Variants in ZNRF3 observed in about 807,000 individuals in gnomAD.
ZNRF3 encodes E3 ubiquitin-protein ligase ZNRF3.
A neutral mutation model predicts 72.5 loss-of-function variants in ZNRF3; 23 were observed. That is an observed-to-expected ratio of 0.32 (90% confidence interval 0.23 to 0.45). The LOEUF (loss-of-function observed/expected upper bound fraction) is 0.45. ZNRF3 is among the 20% of genes least tolerant of loss of function. The pLI, the probability that ZNRF3 is intolerant of heterozygous loss-of-function variation, is 1.00. For synonymous variants in ZNRF3, 610 were observed against 545.3 expected (o/e 1.12, Z -1.65); for missense variants, 1,169 against 1,272.1 (o/e 0.92, Z 1.23).
chr22:28,883,728 C>G lies in ZNRF3; in HGVS notation c.-39C>G. The G allele has an allele frequency of 1.0e-6, 1 of 982,502 alleles. No homozygotes were observed. The allele number at this position is 982,502 out of a possible 1,614,324, so 60.9% of individuals were successfully genotyped here. ...TCCTCAGCCGGCCCGCGACTATGCC[C>G]GGCCGCGCCCGCCCTCCGCGCCCTC... On this transcript the variant is annotated 5_prime_UTR_variant, in exon 1 of 9. Transcript: ENST00000544604. This position sits in a 1 kb window ranked among gnomAD's most constrained non-coding sequence, Gnocchi z 5.5.
intron 1 of ZNRF3, among the ~76,000 whole-genome samples, chr22:28,914,814 CAAA>C (rs567975458): frequency 8.7e-5 from 6 of 69,294 alleles, no homozygotes; most frequent in Non-Finnish European, 1.2e-4. Flanking sequence ...AACTCCGTCT[CAAA>C]AAAAAAAAAA....
At chr22:28,938,524 G>T (rs762498822) in intron 1 of ZNRF3, among the ~76,000 whole-genome samples, 1 of 152,126 alleles carries the variant, frequency 6.6e-6, no homozygotes, top group Non-Finnish European at 1.5e-5. Flanking sequence ...CATTATCCCT[G>T]TTAACAGATG....
At position 28,987,258 on chromosome 22, in the gene ZNRF3, A is replaced by G. The variant is rs189438939; in HGVS notation, c.426+57A>G. On this transcript the variant is annotated intron_variant, in intron 2 of 8. Coordinates refer to ENST00000544604, the MANE Select transcript of ZNRF3 (RefSeq NM_001206998.2). ...TCTGGTTGGTGTTTTCCACTCTTCC[A>G]TTTCAGCATTCCTCAAATAGTTGAT... 1.9e-6 allele frequency: 3 copies of G among 1,567,900 alleles called. No homozygotes were observed. In the Admixed American group the frequency reaches 5.9e-5, roughly 31 times the overall value.
intron 1 of ZNRF3, among the ~76,000 whole-genome samples, chr22:28,980,302 A>G (rs1175297341): frequency 2.0e-5 from 3 of 152,208 alleles, no homozygotes; most frequent in Non-Finnish European, 4.4e-5. Flanking sequence ...TAGATACACT[A>G]AAAGCCCAGA....
chr22:28,945,437 A>G (rs1012317369), intron 1 of ZNRF3, among the ~76,000 whole-genome samples: 4 of 152,152 alleles, frequency 2.6e-5, no homozygotes, highest in Admixed American at 2.6e-4. Context: ...CACACCTGTA[A>G]TCCCAGCACT....
intron 2 of ZNRF3, among the ~76,000 whole-genome samples, chr22:29,020,274 C>T (rs375062683): frequency 0.045 from 2,047 of 45,116 alleles, 29 homozygotes; most frequent in African/African-American, 0.08. Flanking sequence ...TTTTTTTTTT[C>T]CCCCAAGACA....
chr22:28,931,606 G>T (rs1474927741), intron 1 of ZNRF3, among the ~76,000 whole-genome samples: 1 of 152,168 alleles, frequency 6.6e-6, no homozygotes, highest in Admixed American at 6.5e-5. Flanking sequence ...CTACTACATT[G>T]TTAGGGAGCC....
chr22:28,907,502 G>A (rs1341590878), intron 1 of ZNRF3, among the ~76,000 whole-genome samples: 1 of 152,120 alleles, frequency 6.6e-6, no homozygotes, highest in African/African-American at 2.4e-5. Flanking sequence ...GGTGGTGGCC[G>A]CATGGTTCCC....
At chr22:28,999,659 C>T (rs746323054) in intron 2 of ZNRF3, among the ~76,000 whole-genome samples, 1 of 152,178 alleles carries the variant, frequency 6.6e-6, no homozygotes, top group Non-Finnish European at 1.5e-5. Flanking sequence ...TACGTTATGC[C>T]AGCCACAACA....
intron 1 of ZNRF3, among the ~76,000 whole-genome samples, chr22:28,967,971 G>A (rs2035505357): frequency 2.0e-5 from 3 of 151,602 alleles, no homozygotes. Context: ...ATATATAGTG[G>A]AGCAAAGCCC....
In ZNRF3 at chr22:29,038,376, G is replaced by A. The variant is rs565177381; in HGVS notation, c.427-4119G>A. ...TTTTAAGACAGGGTCTCGCCCTGTC[G>A]CCCAGGCTGGAGTGCAGTGGCACAA... On this transcript the variant is annotated intron_variant, in intron 2 of 8. Coordinates refer to ENST00000544604, the MANE Select transcript of ZNRF3 (RefSeq NM_001206998.2). Among the ~76,000 whole-genome samples, 18 of 148,590 alleles carry A rather than the reference G, an allele frequency of 1.2e-4. No individual in the cohort carries two copies. The South Asian group carries it at 3.5e-3, about 29-fold the overall frequency.
chr22:28,978,469 C>T (rs532232900), intron 1 of ZNRF3, among the ~76,000 whole-genome samples: 1 of 152,316 alleles, frequency 6.6e-6, no homozygotes, highest in African/African-American at 2.4e-5. Flanking sequence ...AGTCTCCCTT[C>T]AGATGTCCAC....
chr22:28,949,400 A>G (rs969148124), intron 1 of ZNRF3, among the ~76,000 whole-genome samples: 1 of 151,920 alleles, frequency 6.6e-6, no homozygotes, highest in Non-Finnish European at 1.5e-5. Context: ...TCAGCCTCCA[A>G]GTGTCTAGGG....
chr22:28,900,296 C>T (rs534839517), intron 1 of ZNRF3, among the ~76,000 whole-genome samples: 8 of 152,302 alleles, frequency 5.3e-5, no homozygotes, highest in African/African-American at 1.9e-4. Context: ...GGTGCCATCA[C>T]CCATAAGTGG....
At chr22:29,035,555 T>C (rs2036851517) in intron 2 of ZNRF3, among the ~76,000 whole-genome samples, 1 of 152,160 alleles carries the variant, frequency 6.6e-6, no homozygotes, top group Non-Finnish European at 1.5e-5. Flanking sequence ...GTATGTCCAA[T>C]ATGTCCAGTC....
intron 5 of ZNRF3, among the ~76,000 whole-genome samples, chr22:29,045,909 G>A (rs181094579): frequency 6.6e-6 from 1 of 152,330 alleles, no homozygotes; most frequent in Admixed American, 6.5e-5. Flanking sequence ...GTGTTTGCCT[G>A]TCCCAGTACA....
chr22:29,048,947 T>G lies in ZNRF3; in HGVS notation c.1016-250T>G, dbSNP rs1348985569. 6.6e-6 allele frequency among the ~76,000 whole-genome samples: 1 copy of G among 152,170 alleles called. No individual in the cohort carries two copies. Among genetic ancestry groups the G allele is most frequent in the Non-Finnish European group, 1.5e-5 (1 of 68,028 alleles). ...AATCCGATTCTTTTCTGCAGACTTC[T>G]GTGGTGCCCTGTCAGGCAGAGCAGT... On this transcript the variant is annotated intron_variant, in intron 7 of 8. Transcript: ENST00000544604. This position sits in a 1 kb window ranked among gnomAD's most constrained non-coding sequence, Gnocchi z 4.9.
At chr22:28,996,025 C>T (rs1423915551) in intron 2 of ZNRF3, among the ~76,000 whole-genome samples, 1 of 152,216 alleles carries the variant, frequency 6.6e-6, no homozygotes, top group East Asian at 1.9e-4. Flanking sequence ...ATCCACCTTC[C>T]TTGGCCTCCC....
intron 1 of ZNRF3, among the ~76,000 whole-genome samples, chr22:28,907,013 C>T (rs1172383400): frequency 6.8e-6 from 1 of 147,818 alleles, no homozygotes; most frequent in Non-Finnish European, 1.5e-5. Context: ...GATGGACTCT[C>T]GCTCTGTCGC....
Sources: allele counts gnomAD v4.1 joint callset (sites outside exome capture counted in the v4.1 genomes callset), GRCh38; gene constraint gnomAD v4.1.1; non-coding constraint Gnocchi (gnomAD v3.1); transcripts MANE v1.5; gene names NCBI Gene and HGNC (gene_info 2026-07-23, HGNC 2026-07-21).